SENP5: variants seen among roughly 807,000 people sequenced by gnomAD.
SENP5 encodes SUMO specific peptidase 5.
In SENP5, 21 loss-of-function variants were observed where a neutral mutation model predicts 74.2. The observed-to-expected ratio is 0.28, with a 90% CI of 0.20 to 0.41. The LOEUF (loss-of-function observed/expected upper bound fraction) is 0.41, where lower values mean the gene tolerates loss of function less well. SENP5 is among the 10% of genes least tolerant of loss of function. The pLI is 1.00. For missense variants in SENP5, 717 were observed against 889.1 expected (o/e 0.81, Z 2.46); for synonymous variants, 311 against 312.7 (o/e 0.99, Z 0.06).
chr3:196,885,871 T>C lies in SENP5; in HGVS notation c.690T>C (p.Leu230=), dbSNP rs1159514815. The C allele has an allele frequency of 6.2e-7, 1 of 1,613,848 alleles. No homozygotes were observed. The change falls in exon 2 of 10, where the codon CTT becomes CTC. Residue 230 remains leucine (L), a synonymous_variant. Transcript: ENST00000323460. ...ATAGAAGGATAAAATTATCTCCTCT[T>C]ATGATGTATGAGAAATTATCCATGA... The part of the protein sequence containing the change: ...NQHRRIKLSP[L]MMYEKLSMIR...
At position 196,899,768 on chromosome 3, in the gene SENP5, A is replaced by G. The variant is rs761555026; in HGVS notation, c.1616A>G (p.Asn539Ser). 6.3e-7 allele frequency: 1 copy of G among 1,583,134 alleles called. No individual in the cohort carries two copies. Among genetic ancestry groups the G allele is most frequent in the Non-Finnish European group, 8.7e-7 (1 of 1,152,252 alleles). Residue 539 changes from asparagine (N) to serine (S), a missense_variant, in exon 3 of 10, where the codon AAT becomes AGT. By Grantham distance (46) the Asn-to-Ser change is conservative. This residue lies in a region of SENP5 where 64 missense variants were observed against 100.8 expected (regional missense o/e 0.64). Transcript: ENST00000323460. ...GATGTCTTTAATGAAGACTTTTCTA[A>G]TAGGTATATAAATGATGCTAAAGTT... ...LKDVFNEDFS[N>S]RKPFINREIT...
intron 2 of SENP5, among the ~76,000 whole-genome samples, chr3:196,887,973 G>A (rs988909157): frequency 6.6e-6 from 1 of 152,004 alleles, no homozygotes; most frequent in African/African-American, 2.4e-5. Flanking sequence ...TCACCATGTT[G>A]CCCAGGCTGG....
At chr3:196,897,357 A>G (rs966379226) in intron 2 of SENP5, among the ~76,000 whole-genome samples, 1 of 152,226 alleles carries the variant, frequency 6.6e-6, no homozygotes, top group South Asian at 2.1e-4. Flanking sequence ...TTCCTAGATT[A>G]GAAGCCCCAA....
chr3:196,887,152 C>T (rs868328070), intron 2 of SENP5, among the ~76,000 whole-genome samples: 2 of 152,086 alleles, frequency 1.3e-5, no homozygotes, highest in South Asian at 2.1e-4. Context: ...TTATTGGCCA[C>T]TTTTTTGTAT....
At chr3:196,922,961 C>CATT (rs1715678696) in intron 6 of SENP5, among the ~76,000 whole-genome samples, 4 of 152,104 alleles carry the variant, frequency 2.6e-5, no homozygotes, top group African/African-American at 7.2e-5. Flanking sequence ...TTATGTTGCC[C>CATT]AGGCTGGTCT....
Position 196,886,458 on chromosome 3 carries a change from A to T in SENP5, c.1277A>T (p.Asp426Val), listed in dbSNP as rs770463777. The change falls in exon 2 of 10, where the codon GAT becomes GTT. Residue 426 changes from aspartate (D) to valine (V), a missense_variant. Physicochemically the swap from Asp to Val is radical, Grantham distance 152 (BLOSUM62 -3). This residue lies in a region of SENP5 where 567 missense variants were observed against 577.4 expected (regional missense o/e 0.98). Transcript: ENST00000323460. ...SGADTSVSSV[D>V]GPVSQKAVQN... ...GCAGATACATCTGTGAGTAGCGTAGATGGGCCTGTGTCCCAAAAGGCTGTT... is the reference window on the plus strand; with the variant it reads ...GCAGATACATCTGTGAGTAGCGTAGTTGGGCCTGTGTCCCAAAAGGCTGTT... 1 of 1,610,576 alleles carries T rather than the reference A, an allele frequency of 6.2e-7. No homozygotes were observed. The highest frequency in any genetic ancestry group is 8.5e-7 in the Non-Finnish European group (1 of 1,178,084).
chr3:196,882,523 A>G (rs1713769897), intron 1 of SENP5, among the ~76,000 whole-genome samples: 2 of 151,848 alleles, frequency 1.3e-5, no homozygotes, highest in Admixed American at 6.6e-5. Context: ...TATTTTTTTG[A>G]GACAGAGTCT....
At chr3:196,899,049 A>G (rs2108835191) in intron 2 of SENP5, among the ~76,000 whole-genome samples, 1 of 149,974 alleles carries the variant, frequency 6.7e-6, no homozygotes, top group Admixed American at 6.7e-5. Context: ...ACTGCACTCC[A>G]GCCTGGGCAA....
At chr3:196,916,557 C>T (rs771152630) in intron 6 of SENP5, among the ~76,000 whole-genome samples, 15 of 148,980 alleles carry the variant, frequency 1.0e-4, no homozygotes, top group Non-Finnish European at 1.6e-4. Context: ...GACAGAGTTT[C>T]CCTCTTGTTG....
intron 2 of SENP5, among the ~76,000 whole-genome samples, chr3:196,897,643 C>T (rs1714497901): frequency 6.6e-6 from 1 of 152,202 alleles, no homozygotes. Context: ...CTTTTCTATC[C>T]TGTTTATATC....
In SENP5 at chr3:196,886,334, A is replaced by G. The variant is rs746849214; in HGVS notation, c.1153A>G (p.Met385Val). ...IPLPEHRSNT[M>V]FISETEREIM... ...CTTACCAGAACATCGTTCTAATACC[A>G]TGTTCATTTCAGAAACTGAAAGAGA... Residue 385 changes from methionine to valine, a missense_variant, in exon 2 of 10, where the codon ATG becomes GTG. Met to Val is a conservative substitution (Grantham distance 21). Transcript: ENST00000323460. The G allele has an allele frequency of 9.3e-6, 15 of 1,613,616 alleles. No homozygotes were observed. In the African/African-American group the frequency reaches 9.3e-5, roughly 10 times the overall value.
intron 5 of SENP5, among the ~76,000 whole-genome samples, 154 bp downstream of exon 5, chr3:196,900,566 C>T (rs1309057405): frequency 6.6e-6 from 1 of 152,026 alleles, no homozygotes; most frequent in African/African-American, 2.4e-5. Flanking sequence ...TGGGCTTGAT[C>T]GTAAGTTCCA....
chr3:196,905,809 T>C (rs191179063), intron 6 of SENP5, among the ~76,000 whole-genome samples: 1 of 152,192 alleles, frequency 6.6e-6, no homozygotes, highest in East Asian at 1.9e-4. Flanking sequence ...TAGCTTCTCT[T>C]CTCTCCCTGG....
Position 196,886,314 on chromosome 3 carries a change from C to T in SENP5, c.1133C>T (p.Pro378Leu). Residue 378 changes from proline to leucine, a missense_variant, in exon 2 of 10, where the codon CCA (proline) becomes CTA (leucine). By Grantham distance (98) the Pro-to-Leu change is moderately conservative. Coordinates refer to ENST00000323460, the MANE Select transcript of SENP5 (RefSeq NM_152699.5). ...GAGCTGATTCATGACATCCCCTTAC[C>T]AGAACATCGTTCTAATACCATGTTC... Reference protein sequence around the residue: ...CTELIHDIPLPEHRSNTMFIS... With the variant: ...CTELIHDIPLLEHRSNTMFIS... 1 of 1,614,072 alleles carries T rather than the reference C, an allele frequency of 6.2e-7. No individual in the cohort carries two copies. The highest frequency in any genetic ancestry group is 8.5e-7 in the Non-Finnish European group (1 of 1,180,008).
rs1713962615 is a variant in SENP5 at position 196,886,186 on chromosome 3, C to T, written c.1005C>T (p.Gly335=). 1 of 1,614,080 alleles carries T rather than the reference C, an allele frequency of 6.2e-7. No homozygotes were observed. The highest frequency in any genetic ancestry group is 8.5e-7 in the Non-Finnish European group (1 of 1,180,036). The change falls in exon 2 of 10, where the codon GGC becomes GGT. Residue 335 remains glycine (G), a synonymous_variant. Coordinates refer to ENST00000323460, the MANE Select transcript of SENP5 (RefSeq NM_152699.5). ...DCHTKGSSFL[G]KELSLDEAFP... ...ACACTAAAGGAAGCTCTTTCTTGGGCAAGGAGCTTAGTTTAGACGAAGCAT... is the reference window on the plus strand; with the variant it reads ...ACACTAAAGGAAGCTCTTTCTTGGGTAAGGAGCTTAGTTTAGACGAAGCAT...
At chr3:196,903,452 A>C in intron 5 of SENP5, 81 bp from the exon 6 acceptor site, 1 of 865,386 alleles carries the variant, frequency 1.2e-6, no homozygotes, top group South Asian at 1.8e-5. Context: ...ACATTCAAAC[A>C]TTTTAAAATT....
At chr3:196,868,388 A>G (rs576825509) in intron 1 of SENP5, among the ~76,000 whole-genome samples, 1 of 152,232 alleles carries the variant, frequency 6.6e-6, no homozygotes, top group South Asian at 2.1e-4. Context: ...AGCCGCTGTC[A>G]CAGGCCTCCA....
intron 2 of SENP5, among the ~76,000 whole-genome samples, chr3:196,888,976 C>T (rs918516033): frequency 2.0e-5 from 3 of 151,830 alleles, no homozygotes; most frequent in Admixed American, 1.3e-4. Flanking sequence ...ATTAGCCGGG[C>T]GTGGTGGCAG....
chr3:196,925,907 G>A (rs148900433), intron 7 of SENP5, among the ~76,000 whole-genome samples: 62 of 152,310 alleles, frequency 4.1e-4, no homozygotes, highest in African/African-American at 1.4e-3. Context: ...GCCAAATACA[G>A]TTCAGTCATC....
Sources: allele counts gnomAD v4.1 joint callset (sites outside exome capture counted in the v4.1 genomes callset), GRCh38; gene constraint gnomAD v4.1.1; regional missense constraint gnomAD v4.1.1; transcripts MANE v1.5; gene names NCBI Gene and HGNC (gene_info 2026-07-23, HGNC 2026-07-21).